The following ACACA variants were observed in gnomAD, a reference collection of about 807,000 sequenced individuals.
ACACA encodes the protein acetyl-CoA carboxylase 1.
A neutral mutation model predicts 296.1 loss-of-function variants in ACACA; 103 were observed. The ratio of observed to expected loss-of-function variants is 0.35; its 90% CI spans 0.30 to 0.41. ACACA has a LOEUF of 0.41. Among genes scored for constraint, ACACA ranks in the 10% least tolerant of loss-of-function variants. The pLI is 1.00. For synonymous variants in ACACA, 953 were observed against 1,038.6 expected, an observed-to-expected ratio of 0.92 and a Z score of 1.58; for missense variants, 1,554 against 2,989.7, an observed-to-expected ratio of 0.52 and a Z score of 11.20.
intron 38 of ACACA, among the ~76,000 whole-genome samples, chr17:37,190,231 C>T (rs2077696882): frequency 6.6e-6 from 1 of 152,010 alleles, no homozygotes; most frequent in African/African-American, 2.4e-5. Flanking sequence ...GAGTTGGAGA[C>T]CAGCCTGACT....
chr17:37,143,004 G>A (rs2075657846), intron 45 of ACACA, among the ~76,000 whole-genome samples: 1 of 152,184 alleles, frequency 6.6e-6, no homozygotes, highest in Admixed American at 6.5e-5. Flanking sequence ...CTATGGCAGT[G>A]CCAATGTTTT....
intron 54 of ACACA, among the ~76,000 whole-genome samples, chr17:37,094,251 C>T (rs2072830961): frequency 6.6e-6 from 1 of 152,164 alleles, no homozygotes; most frequent in African/African-American, 2.4e-5. Context: ...TTCAAACAGA[C>T]TCCCATAACT....
At chr17:37,269,047 A>T (rs1454138970) in intron 10 of ACACA, among the ~76,000 whole-genome samples, 4 of 53,748 alleles carry the variant, frequency 7.4e-5, no homozygotes, top group South Asian at 4.4e-4. Flanking sequence ...AAAAAAATGT[A>T]AAAAAAAAAA....
chr17:37,283,184 A>C (rs2082622458), intron 5 of ACACA, 83 bp downstream of exon 5: 1 of 1,533,714 alleles, frequency 6.5e-7, no homozygotes, highest in Admixed American at 1.7e-5. Flanking sequence ...GAATCCCCCT[A>C]AGTTAACATT....
chr17:37,364,925 G>A (rs1568058995), intron 1 of ACACA, among the ~76,000 whole-genome samples: 1 of 152,100 alleles, frequency 6.6e-6, no homozygotes, highest in Non-Finnish European at 1.5e-5. Context: ...AGCTTTCACT[G>A]ATCTCTCTCT....
intron 1 of ACACA, among the ~76,000 whole-genome samples, chr17:37,342,458 T>TATAC (rs1369014067): frequency 1.3e-3 from 130 of 98,352 alleles, no homozygotes; most frequent in Middle Eastern, 6.7e-3. Flanking sequence ...TATATATATA[T>TATAC]ACACACACAC....
At chr17:37,163,992 T>C (rs1231406559) in intron 41 of ACACA, among the ~76,000 whole-genome samples, 1 of 152,236 alleles carries the variant, frequency 6.6e-6, no homozygotes, top group Non-Finnish European at 1.5e-5. Context: ...GCTGTAGTTT[T>C]TCATGTCTGC....
chr17:37,198,809 C>T (rs1485767064), intron 35 of ACACA, among the ~76,000 whole-genome samples: 1 of 152,154 alleles, frequency 6.6e-6, no homozygotes, highest in Non-Finnish European at 1.5e-5. Context: ...GTCTTGAAAA[C>T]CTAATAAACA....
rs1190868447 is a variant in ACACA, at chr17:37,125,631, C to A, written c.6041+67G>T. ...ACATTATTGGTATATATCTATAGAG[C>A]CATGGCTCTTTCTTTCTTATTTTTA... On this transcript the variant is annotated intron_variant, in intron 48 of 55. Transcript: ENST00000616317. 3.8e-6 allele frequency: 5 copies of A among 1,306,990 alleles called. No homozygotes were observed. The East Asian group carries it at 1.2e-4, about 31-fold the overall frequency. 81.0% of individuals were successfully genotyped at this position (1,306,990 alleles called of 1,614,324 possible). A position where few individuals can be genotyped will look rare whatever the true frequency, so the allele number is the denominator to read the frequency against.
In ACACA at chr17:37,263,796, AT is replaced by A; in HGVS notation, c.1217del (p.Asn406MetfsTer41). On this transcript the variant is annotated frameshift_variant, in exon 11 of 56. Coordinates refer to ENST00000616317, the MANE Select transcript of ACACA (RefSeq NM_198834.3). LOFTEE classifies it high-confidence loss of function. ...AATCACGACCAAACAAAGAGATAGC[AT>A]TGCCATATTGGTCCGCTAAGATCTG... ...EVQILADQYGNAISLFGRDCS... is the reference protein window; with the variant it reads ...EVQILADQYGXAISLFGRDCS... 6.2e-7 allele frequency: 1 copy of A among 1,614,090 alleles called. No homozygotes were observed. The highest frequency in any genetic ancestry group is 8.5e-7 in the Non-Finnish European group (1 of 1,179,990).
chr17:37,238,374 C>T (rs1384411120), intron 24 of ACACA, among the ~76,000 whole-genome samples: 1 of 149,642 alleles, frequency 6.7e-6, no homozygotes, highest in Admixed American at 6.7e-5. Flanking sequence ...ATCTACAATG[C>T]CTCCTCTATC....
chr17:37,378,164 G>C (rs1052754673), intron 1 of ACACA, among the ~76,000 whole-genome samples: 2 of 152,122 alleles, frequency 1.3e-5, no homozygotes, highest in African/African-American at 4.8e-5. Flanking sequence ...TTACTCAAAT[G>C]GATGGAGATG....
At chr17:37,168,223 T>C (rs901791593) in intron 41 of ACACA, among the ~76,000 whole-genome samples, 2 of 152,204 alleles carry the variant, frequency 1.3e-5, no homozygotes, top group East Asian at 1.9e-4. Context: ...GCCTGGTATA[T>C]AGTAAGTGCA....
chr17:37,275,495 C>CAAAAAAAA (rs34064045), intron 8 of ACACA, among the ~76,000 whole-genome samples: 11 of 61,630 alleles, frequency 1.8e-4, no homozygotes, highest in African/African-American at 2.0e-4. Context: ...GACTCCAACT[C>CAAAAAAAA]AAAAAAAAAA....
At chr17:37,399,427 G>A (rs1263975192) in intron 1 of ACACA, among the ~76,000 whole-genome samples, 1 of 152,184 alleles carries the variant, frequency 6.6e-6, no homozygotes, top group African/African-American at 2.4e-5. Flanking sequence ...GGTTGCACAA[G>A]AGTATAGACT....
intron 48 of ACACA, among the ~76,000 whole-genome samples, chr17:37,124,616 C>T (rs1308373759): frequency 2.0e-5 from 3 of 152,170 alleles, no homozygotes; most frequent in Admixed American, 2.0e-4. Flanking sequence ...GGGAATTTTA[C>T]CAGGCACAGA....
chr17:37,220,491 CTGTGCCTATG>C (rs746885746), intron 29 of ACACA, among the ~76,000 whole-genome samples: 4 of 152,176 alleles, frequency 2.6e-5, no homozygotes, highest in Non-Finnish European at 4.4e-5. Flanking sequence ...AGACTGAGTG[CTGTGCCTATG>C]TGTGCCATGA....
rs2078470209 is a variant in ACACA at position 37,205,766 on chromosome 17, T to C, written c.4055A>G (p.Asn1352Ser). ...AAMFREFTQQ[N>S]KATLVDHGIR... ...GCTTCCACCCAATCAAGAACTTACA[T>C]TTTGCTGGGTAAATTCTCTGAACAT... The change falls in exon 33 of 56, where the codon AAT (asparagine) becomes AGT (serine). Residue 1352 changes from asparagine to serine, a missense_variant and splice_region_variant. Physicochemically the swap from Asn to Ser is conservative, Grantham distance 46 (BLOSUM62 1). Around this residue, in one of 16 missense-constraint regions of ACACA, gnomAD observed 179 missense variants for 283.2 expected, o/e 0.63. Coordinates refer to ENST00000616317, the MANE Select transcript of ACACA (RefSeq NM_198834.3). 1 of 1,612,278 alleles carries C rather than the reference T, an allele frequency of 6.2e-7. No homozygotes were observed. The highest frequency in any genetic ancestry group is 2.2e-5 in the East Asian group (1 of 44,860).
At chr17:37,104,042 G>A (rs1220422347) in intron 52 of ACACA, among the ~76,000 whole-genome samples, 1 of 152,098 alleles carries the variant, frequency 6.6e-6, no homozygotes, top group Non-Finnish European at 1.5e-5. Context: ...CAATCTTTTG[G>A]CTTCCTTGGG....
Sources: allele counts gnomAD v4.1 joint callset (sites outside exome capture counted in the v4.1 genomes callset), GRCh38; gene constraint gnomAD v4.1.1; regional missense constraint gnomAD v4.1.1; transcripts MANE v1.5; gene names NCBI Gene and HGNC (gene_info 2026-07-23, HGNC 2026-07-21).